The following MAGI2 variants were observed in gnomAD, a reference collection of about 807,000 sequenced individuals.
MAGI2 encodes the protein membrane associated guanylate kinase, WW and PDZ domain containing 2.
MAGI2 carries 35 observed loss-of-function variants against 133.3 expected under a neutral mutation model. That is an observed-to-expected ratio of 0.26 (90% CI 0.20 to 0.35). The LOEUF (loss-of-function observed/expected upper bound fraction) is 0.35. MAGI2 is among the 10% of genes least tolerant of loss of function. The pLI is 1.00. For synonymous variants in MAGI2, 729 were observed against 710.6 expected (o/e 1.03, Z -0.41); for missense variants, 1,636 against 1,863.4 (o/e 0.88, Z 2.25).
intron 7 of MAGI2, among the ~76,000 whole-genome samples, chr7:78,367,165 G>A (rs1450579438): frequency 6.8e-6 from 1 of 147,338 alleles, no homozygotes; most frequent in Admixed American, 6.8e-5. Flanking sequence ...TTTCGTTTAG[G>A]GTTACAGCCA....
chr7:78,709,755 C>T (rs1024631207), intron 2 of MAGI2, among the ~76,000 whole-genome samples: 7 of 152,200 alleles, frequency 4.6e-5, no homozygotes, highest in Non-Finnish European at 1.0e-4. Flanking sequence ...CTGCTGTCCT[C>T]AGCTATATCT....
At chr7:78,581,939 C>T (rs6945821) in intron 3 of MAGI2, among the ~76,000 whole-genome samples, 47,174 of 151,778 alleles carry the variant, frequency 0.31, 8,912 homozygotes, top group Non-Finnish European at 0.42. Flanking sequence ...TAAGGACATT[C>T]CTTTCCTCCG....
At chr7:79,075,206 A>G (rs1815353272) in intron 1 of MAGI2, among the ~76,000 whole-genome samples, 1 of 152,088 alleles carries the variant, frequency 6.6e-6, no homozygotes. Flanking sequence ...TGTCTTATTG[A>G]CCAGAGCTGG....
chr7:78,135,369 C>T (rs931382162), intron 16 of MAGI2, among the ~76,000 whole-genome samples, 163 bp from the exon 17 acceptor site: 3 of 152,200 alleles, frequency 2.0e-5, no homozygotes, highest in African/African-American at 7.2e-5. Context: ...CCTGTGCATA[C>T]TACTGAGACC....
chr7:78,501,907 A>T, intron 4 of MAGI2, 120 bp from the exon 5 acceptor site: 1 of 685,372 alleles, frequency 1.5e-6, no homozygotes, highest in South Asian at 1.8e-5. Context: ...GCTAACAGGA[A>T]ACATTTCTGA....
chr7:78,584,421 GAAAAAAAAAAAAAAAA>G (rs57844382), intron 3 of MAGI2, among the ~76,000 whole-genome samples: 16 of 83,962 alleles, frequency 1.9e-4, no homozygotes, highest in African/African-American at 3.5e-4. Flanking sequence ...CTCCGTCTCA[GAAAAAAAAAAAAAAAA>G]AAAAAAAAAA....
intron 1 of MAGI2, among the ~76,000 whole-genome samples, chr7:79,368,653 C>T (rs1842871390): frequency 6.6e-6 from 1 of 151,586 alleles, no homozygotes; most frequent in African/African-American, 2.4e-5. Context: ...TCGAGACCAT[C>T]CCGGCTAAAA....
chr7:78,191,703 C>G (rs572317648), intron 12 of MAGI2, among the ~76,000 whole-genome samples: 2 of 152,258 alleles, frequency 1.3e-5, no homozygotes, highest in African/African-American at 4.8e-5. Context: ...ATTCCCAGCT[C>G]ATCTTGAGAT....
intron 21 of MAGI2, among the ~76,000 whole-genome samples, chr7:78,069,031 A>T (rs1814156412): frequency 6.6e-6 from 1 of 152,134 alleles, no homozygotes; most frequent in Admixed American, 6.5e-5. Flanking sequence ...ACAGGGCCAG[A>T]CTCTCCGTAA....
chr7:78,884,214 A>G (rs1484899313), intron 2 of MAGI2, among the ~76,000 whole-genome samples: 1 of 152,206 alleles, frequency 6.6e-6, no homozygotes, highest in Non-Finnish European at 1.5e-5. Context: ...ACTGTGGCTC[A>G]TATCTGTAAT....
intron 1 of MAGI2, among the ~76,000 whole-genome samples, chr7:79,186,029 A>G (rs1048717146): frequency 1.3e-5 from 2 of 151,368 alleles, no homozygotes; most frequent in African/African-American, 4.9e-5. Context: ...CATTTTTTTG[A>G]TAGTGAATTT....
intron 5 of MAGI2, among the ~76,000 whole-genome samples, chr7:78,498,601 CAA>C (rs1030824322): frequency 6.6e-6 from 1 of 152,124 alleles, no homozygotes; most frequent in African/African-American, 2.4e-5. Context: ...GAGGAAACTG[CAA>C]CGTTGTTGGT....
intron 6 of MAGI2, among the ~76,000 whole-genome samples, chr7:78,461,963 G>GA: frequency 9.0e-6 from 1 of 111,050 alleles, no homozygotes; most frequent in Non-Finnish European, 2.0e-5. Flanking sequence ...AAAGAAACAG[G>GA]AAAAATTAAA....
chr7:78,493,210 G>A (rs951383182), intron 5 of MAGI2, among the ~76,000 whole-genome samples: 1 of 152,152 alleles, frequency 6.6e-6, no homozygotes, highest in Non-Finnish European at 1.5e-5. Context: ...TATGCAATAG[G>A]TGGATCAGCA....
At chr7:78,059,516 A>G (rs1182671285) in intron 21 of MAGI2, among the ~76,000 whole-genome samples, 1 of 152,162 alleles carries the variant, frequency 6.6e-6, no homozygotes, top group East Asian at 1.9e-4. Flanking sequence ...ATCATCTCTG[A>G]CAATATCCTA....
rs147036304 is a variant in MAGI2, at chr7:78,470,236, T to C, written c.1045+19525A>G. 2.5e-3 allele frequency among the ~76,000 whole-genome samples: 381 copies of C among 152,274 alleles called. 3 individuals carry two copies. Among genetic ancestry groups the C allele is most frequent in the African/African-American group, 8.3e-3 (344 of 41,574 alleles). The stretch of plus-strand genomic sequence containing the variant: ...AACTTAGAGATATTGTCACTATCTT[T>C]GTAAGTAATATGCTACATTTTGTAC... On this transcript the variant is annotated intron_variant, in intron 6 of 21. Coordinates refer to ENST00000354212, the MANE Select transcript of MAGI2 (RefSeq NM_012301.4).
chr7:78,271,654 G>T (rs1275964141), intron 9 of MAGI2, among the ~76,000 whole-genome samples: 2 of 152,118 alleles, frequency 1.3e-5, no homozygotes, highest in Non-Finnish European at 1.5e-5. Context: ...TCTATTCAGG[G>T]ATTTGACTTC....
rs780372965 is a variant in MAGI2, at chr7:79,453,009, G to T, written c.301+11C>A. 6.4e-6 allele frequency: 10 copies of T among 1,556,344 alleles called. No individual in the cohort carries two copies. The African/African-American group carries it at 1.4e-4, about 21-fold the overall frequency. On this transcript the variant is annotated intron_variant, in intron 1 of 21. Transcript: ENST00000354212. Reference sequence around the variant, plus strand: ...CGCCCGGCAAAACACTGAGCAAGCCGCTGCTCTCACCTTGCTTGACACACT... The same window carrying T: ...CGCCCGGCAAAACACTGAGCAAGCCTCTGCTCTCACCTTGCTTGACACACT...
intron 16 of MAGI2, among the ~76,000 whole-genome samples, chr7:78,144,511 A>T (rs1427571988): frequency 2.0e-5 from 3 of 152,038 alleles, no homozygotes; most frequent in Non-Finnish European, 4.4e-5. Context: ...GATTTCATTT[A>T]TTTTCTTGCA....
Sources: gnomAD v4.1 joint callset for allele counts (sites outside exome capture counted in the v4.1 genomes callset) on GRCh38, gnomAD v4.1.1 for gene constraint, MANE v1.5 for transcripts, NCBI Gene and HGNC (gene_info 2026-07-23, HGNC 2026-07-21) for gene names.